Variants in PPIL3 observed in about 807,000 individuals in gnomAD.
PPIL3 encodes peptidyl-prolyl cis-trans isomerase-like 3.
Under a neutral mutation model 20.9 loss-of-function variants are expected in PPIL3, and 13 were observed. That is an observed-to-expected ratio of 0.62 (90% CI 0.40 to 0.99). The LOEUF (loss-of-function observed/expected upper bound fraction) is 0.99. Among genes scored for constraint, PPIL3 ranks in the 50% least tolerant of loss-of-function variants. The pLI is 0.00. For missense variants in PPIL3, 170 were observed against 195.2 expected, an observed-to-expected ratio of 0.87 and a Z score of 0.77; for synonymous variants, 71 against 64.4, an observed-to-expected ratio of 1.10 and a Z score of -0.49.
intron 6 of PPIL3, among the ~76,000 whole-genome samples, chr2:200,876,293 G>A (rs1278500126): frequency 1.3e-5 from 2 of 151,584 alleles, no homozygotes; most frequent in African/African-American, 2.4e-5. Flanking sequence ...CCAGCCTGGC[G>A]ACAGAGCCTT....
chr2:200,887,296 G>T (rs1195046356), intron 2 of PPIL3, among the ~76,000 whole-genome samples: 1 of 143,858 alleles, frequency 7.0e-6, no homozygotes, highest in Non-Finnish European at 1.5e-5. Context: ...TAAGGCAGGA[G>T]AATCGCTTGA....
At chr2:200,887,586 A>G (rs774994148) in intron 2 of PPIL3, 27 bp downstream of exon 2, 2 of 1,554,904 alleles carry the variant, frequency 1.3e-6, no homozygotes, top group African/African-American at 2.7e-5. Context: ...AATGAAAGAC[A>G]TTAGATAAAA....
At position 200,871,424 on chromosome 2, in the gene PPIL3, T is replaced by G. The variant is rs1347556172; in HGVS notation, c.457A>C (p.Thr153Pro). 1.2e-6 allele frequency: 2 copies of G among 1,611,588 alleles called. No individual in the cohort carries two copies. The highest frequency in any genetic ancestry group is 1.7e-6 in the Non-Finnish European group (2 of 1,178,156). The change falls in exon 7 of 7, where the codon ACT becomes CCT. Residue 153 changes from threonine (T) to proline (P), a missense_variant. By Grantham distance (38) the Thr-to-Pro change is conservative. Coordinates refer to ENST00000392283, the MANE Select transcript of PPIL3 (RefSeq NM_130906.3). ...TGAGCAAATGGGTTGGCATGAATAG[T>G]TATGTCCTTAATGTGTACATCATTA... The part of the protein sequence containing the change: ...PLNDVHIKDI[T>P]IHANPFAQ
chr2:200,883,501 T>C (rs527662186), intron 3 of PPIL3, among the ~76,000 whole-genome samples: 34 of 152,088 alleles, frequency 2.2e-4, no homozygotes, highest in African/African-American at 7.7e-4. Flanking sequence ...AGCTCACACC[T>C]GTAATCTCAG....
At chr2:200,888,842 A>T in intron 1 of PPIL3, 114 bp downstream of exon 1, 1 of 451,934 alleles carries the variant, frequency 2.2e-6, no homozygotes, top group Admixed American at 2.4e-5. Context: ...TTGCAACAAC[A>T]GCCTCGCCGC....
intron 6 of PPIL3, among the ~76,000 whole-genome samples, chr2:200,874,595 G>A (rs147795646): frequency 3.3e-3 from 498 of 152,198 alleles, no homozygotes; most frequent in African/African-American, 9.5e-3. Context: ...CAGTTTTGTC[G>A]CAAATCCAGT....
intron 3 of PPIL3, 32 bp downstream of exon 3, chr2:200,885,656 GTTGTATTAAC>G: frequency 8.3e-7 from 1 of 1,211,554 alleles, no homozygotes; most frequent in Middle Eastern, 2.0e-4. Flanking sequence ...TGCTTATCTT[GTTGTATTAAC>G]TGATGTTGAA....
At chr2:200,888,509 C>G (rs1393801909) in intron 1 of PPIL3, 1 of 185,488 alleles carries the variant, frequency 5.4e-6, no homozygotes, top group East Asian at 1.5e-4. Flanking sequence ...CACTAATATA[C>G]TATGAACTTC....
chr2:200,879,935 T>A (rs1401587797), intron 5 of PPIL3, among the ~76,000 whole-genome samples: 1 of 152,210 alleles, frequency 6.6e-6, no homozygotes, highest in Non-Finnish European at 1.5e-5. Context: ...ACCTAAAAAA[T>A]TGTTTAGTTA....
At chr2:200,882,908 A>C (rs1302558979) in intron 3 of PPIL3, among the ~76,000 whole-genome samples, 1 of 151,190 alleles carries the variant, frequency 6.6e-6, no homozygotes, top group Non-Finnish European at 1.5e-5. Context: ...AAAAAAAAAA[A>C]AACAACCAAA....
rs2039310614 is a variant in PPIL3, at chr2:200,871,664, G to C, written c.360-143C>G. 3 of 709,880 alleles carry C rather than the reference G, an allele frequency of 4.2e-6. No individual in the cohort carries two copies. The South Asian group carries it at 6.3e-5, about 15-fold the overall frequency. The allele number at this position is 709,880 out of a possible 1,614,324, so 44.0% of individuals were successfully genotyped here. A position where few individuals can be genotyped will look rare whatever the true frequency, so the allele number is the denominator to read the frequency against. ...CTAGTTGAATGTACAACAAAATGTT[G>C]ATTTTCCATCATAGATATGGATCAA... On this transcript the variant is annotated intron_variant, in intron 6 of 6. Transcript: ENST00000392283.
At chr2:200,881,176 G>A (rs2039707372) in intron 5 of PPIL3, among the ~76,000 whole-genome samples, 1 of 152,126 alleles carries the variant, frequency 6.6e-6, no homozygotes, top group Non-Finnish European at 1.5e-5. Flanking sequence ...AACATTTCAG[G>A]TTAGATTCAA....
chr2:200,886,486 C>T (rs1347700181), intron 2 of PPIL3, among the ~76,000 whole-genome samples: 4 of 150,526 alleles, frequency 2.7e-5, no homozygotes, highest in African/African-American at 7.4e-5. Context: ...AGTGCAGTGG[C>T]GTGATCTCGG....
Position 200,871,220 on chromosome 2 carries a change from G to T in PPIL3, c.*175C>A, listed in dbSNP as rs2039292826. The stretch of plus-strand genomic sequence containing the variant: ...GGATAATCATTATAATAAAGAATAT[G>T]CTCTAAGAATGGGGATAAAAGCTGT... On this transcript the variant is annotated 3_prime_UTR_variant, in exon 7 of 7. Transcript: ENST00000392283. 4.1e-6 allele frequency: 2 copies of T among 485,718 alleles called. No homozygotes were observed. Among genetic ancestry groups the T allele is most frequent in the African/African-American group, 2.0e-5 (1 of 50,924 alleles). The allele number at this position is 485,718 out of a possible 1,614,324, so 30.1% of individuals were successfully genotyped here.
intron 3 of PPIL3, among the ~76,000 whole-genome samples, chr2:200,883,241 A>G (rs1233662431): frequency 2.7e-5 from 4 of 149,380 alleles, no homozygotes; most frequent in Admixed American, 6.8e-5. Context: ...GGTGTGAGCC[A>G]CCGTGCCTGG....
At position 200,871,285 on chromosome 2, in the gene PPIL3, G is replaced by C. The variant is rs1351173470; in HGVS notation, c.*110C>G. ...TACCACCATTTCATAGAAGATCATAGTTGTAAACAAGCAGAAGGATGATGC... is the reference window on the plus strand; with the variant it reads ...TACCACCATTTCATAGAAGATCATACTTGTAAACAAGCAGAAGGATGATGC... On this transcript the variant is annotated 3_prime_UTR_variant, in exon 7 of 7. Transcript: ENST00000392283. The C allele has an allele frequency of 8.2e-7, 1 of 1,212,570 alleles. No individual in the cohort carries two copies. The highest frequency in any genetic ancestry group is 2.4e-5 in the East Asian group (1 of 41,194). 75.1% of individuals were successfully genotyped at this position (1,212,570 alleles called of 1,614,324 possible).
intron 1 of PPIL3, chr2:200,888,210 T>TA (rs1291791774): frequency 6.6e-6 from 1 of 152,078 alleles, no homozygotes; most frequent in African/African-American, 2.4e-5. Context: ...ATAACCCAGA[T>TA]ACCTTCCCTT....
intron 3 of PPIL3, 97 bp downstream of exon 3, chr2:200,885,601 A>G: frequency 2.5e-6 from 2 of 801,292 alleles, no homozygotes; most frequent in Non-Finnish European, 4.1e-6. Context: ...GGTTTTACAG[A>G]AAGTTTTGTT....
At chr2:200,881,942 A>T in intron 4 of PPIL3, 1 of 205,710 alleles carries the variant, frequency 4.9e-6, no homozygotes, top group South Asian at 9.2e-5. Context: ...GGATGGCTGG[A>T]AGCCATCATT....
Sources: allele counts gnomAD v4.1 joint callset (sites outside exome capture counted in the v4.1 genomes callset), GRCh38; gene constraint gnomAD v4.1.1; transcripts MANE v1.5; gene names NCBI Gene and HGNC (gene_info 2026-07-23, HGNC 2026-07-21).